The following SLC43A2 variants were observed in gnomAD, a reference collection of about 807,000 sequenced individuals.
SLC43A2 encodes large neutral amino acids transporter small subunit 4.
A neutral mutation model predicts 63.2 loss-of-function variants in SLC43A2; 38 were observed. The ratio of observed to expected loss-of-function variants is 0.60; its 90% CI spans 0.46 to 0.79. SLC43A2 has a LOEUF of 0.79. SLC43A2 is among the 30% of genes least tolerant of loss of function. The pLI, the probability that SLC43A2 is intolerant of heterozygous loss-of-function variation, is 0.00. For synonymous variants in SLC43A2, 322 were observed against 331.0 expected (o/e 0.97, Z 0.30); for missense variants, 644 against 756.2 (o/e 0.85, Z 1.74).
At chr17:1,624,377 C>T (rs1908461935) in intron 2 of SLC43A2, among the ~76,000 whole-genome samples, 2 of 150,506 alleles carry the variant, frequency 1.3e-5, no homozygotes, top group South Asian at 4.2e-4. Flanking sequence ...GTTTTGAGAC[C>T]AGCCTGAGCA....
intron 13 of SLC43A2, among the ~76,000 whole-genome samples, chr17:1,576,365 T>A (rs972684424): frequency 2.0e-5 from 3 of 152,142 alleles, no homozygotes; most frequent in African/African-American, 7.2e-5. Context: ...ATTACAGGTG[T>A]GAGCCACCGC....
chr17:1,615,646 A>G (rs56051325), intron 3 of SLC43A2, among the ~76,000 whole-genome samples: 33,391 of 149,712 alleles, frequency 0.22, 4,196 homozygotes, highest in South Asian at 0.31. Flanking sequence ...GATCGAGACC[A>G]TCCTGGCTAA....
chr17:1,600,154 T>TATATA (rs1567630909), intron 5 of SLC43A2, among the ~76,000 whole-genome samples: 4,166 of 26,794 alleles, frequency 0.16, 52 homozygotes, highest in Non-Finnish European at 0.23. Context: ...ATATATATAT[T>TATATA]TTTTTTTTTT....
At chr17:1,604,509 C>G (rs1906395598) in intron 5 of SLC43A2, 1 of 573,806 alleles carries the variant, frequency 1.7e-6, no homozygotes, top group Non-Finnish European at 3.1e-6. Flanking sequence ...CTTAGGCAAC[C>G]TGGGGGTCCC....
chr17:1,599,308 CCA>C (rs1340724330), intron 5 of SLC43A2, among the ~76,000 whole-genome samples: 1 of 151,902 alleles, frequency 6.6e-6, no homozygotes, highest in Non-Finnish European at 1.5e-5. Context: ...CCACTGCACT[CCA>C]GCCTGGCGAC....
intron 2 of SLC43A2, among the ~76,000 whole-genome samples, chr17:1,626,668 C>T (rs1222681038): frequency 2.0e-5 from 3 of 152,294 alleles, no homozygotes; most frequent in Admixed American, 2.0e-4. Context: ...TGGTCCAAAG[C>T]TTTCTCTTCC....
chr17:1,590,857 G>A lies in SLC43A2; in HGVS notation c.1023C>T (p.Tyr341=), dbSNP rs1239165695. The A allele has an allele frequency of 3.2e-6, 5 of 1,555,654 alleles. No individual in the cohort carries two copies. The highest frequency in any genetic ancestry group is 2.0e-5 in the Admixed American group (1 of 51,012). The change falls in exon 9 of 14, where the codon TAC becomes TAT. Residue 341 remains tyrosine, a synonymous_variant. Transcript: ENST00000301335. Reference sequence around the variant, plus strand: ...TGAGGATGTTGTTCATAGCCCCCATGTAGAAGATGAGCCGCAGCTGCGTGA... The same window carrying A: ...TGAGGATGTTGTTCATAGCCCCCATATAGAAGATGAGCCGCAGCTGCGTGA... ...MCVTQLRLIF[Y]MGAMNNILKF...
intron 11 of SLC43A2, among the ~76,000 whole-genome samples, chr17:1,582,085 G>GT (rs2076026510): frequency 7.3e-6 from 1 of 137,892 alleles, no homozygotes; most frequent in African/African-American, 2.7e-5. Flanking sequence ...GGTTTTTTTT[G>GT]GTTTTTTTTT....
At chr17:1,627,664 C>CCCCAAACCCCCCCA in intron 2 of SLC43A2, 51 bp downstream of exon 2, 1 of 985,964 alleles carries the variant, frequency 1.0e-6, no homozygotes, top group Non-Finnish European at 1.4e-6. Flanking sequence ...CCCGCCCCCT[C>CCCCAAACCCCCCCA]CCAAAGCCCC....
In SLC43A2 at chr17:1,578,882, C is replaced by T. The variant is rs1328760190; in HGVS notation, c.1351-559G>A. On this transcript the variant is annotated intron_variant, in intron 11 of 13. Coordinates refer to ENST00000301335, the MANE Select transcript of SLC43A2 (RefSeq NM_152346.3). This position sits in a 1 kb window ranked among gnomAD's most constrained non-coding sequence, Gnocchi z 6.5. ...TAGGCTGGGCAAGGTGGCTCACGCC[C>T]GTAATCCCAGTGCTTTGGGAGGCCG... Among the ~76,000 whole-genome samples, 3 of 152,016 alleles carry T rather than the reference C, an allele frequency of 2.0e-5. No individual in the cohort carries two copies. The highest frequency in any genetic ancestry group is 7.2e-5 in the African/African-American group (3 of 41,410).
intron 10 of SLC43A2, among the ~76,000 whole-genome samples, chr17:1,584,533 G>A (rs992130572): frequency 6.6e-6 from 1 of 152,172 alleles, no homozygotes; most frequent in South Asian, 2.1e-4. Flanking sequence ...ACAGCGTTTG[G>A]CTGGGCGTGG....
chr17:1,617,018 C>T (rs374061864), intron 2 of SLC43A2, among the ~76,000 whole-genome samples: 47 of 152,344 alleles, frequency 3.1e-4, no homozygotes, highest in African/African-American at 1.1e-3. Context: ...ATAAAGACCT[C>T]CCCAGAAAAT....
chr17:1,607,734 G>T lies in SLC43A2; in HGVS notation c.501+5461C>A, dbSNP rs563887411. 4.5e-3 allele frequency among the ~76,000 whole-genome samples: 669 copies of T among 147,752 alleles called. 7 individuals carry two copies. The highest frequency in any genetic ancestry group is 0.016 in the African/African-American group (634 of 40,090). ...CCAGACAATAGACTTTTTTTTTTTT[G>T]AGTCAGAGTCTCGCTCTGTCACCCA... On this transcript the variant is annotated intron_variant, in intron 5 of 13. Coordinates refer to ENST00000301335, the MANE Select transcript of SLC43A2 (RefSeq NM_152346.3).
intron 2 of SLC43A2, among the ~76,000 whole-genome samples, chr17:1,623,050 G>C (rs186657493): frequency 6.6e-6 from 1 of 152,202 alleles, no homozygotes; most frequent in Non-Finnish European, 1.5e-5. Flanking sequence ...AGGTTACAGT[G>C]AGCCGAGACT....
intron 10 of SLC43A2, among the ~76,000 whole-genome samples, chr17:1,584,762 G>A (rs1304102524): frequency 6.6e-6 from 1 of 151,636 alleles, no homozygotes; most frequent in Non-Finnish European, 1.5e-5. Context: ...GGAGGTTGCA[G>A]TGAGCCGAGA....
Position 1,585,995 on chromosome 17 carries a change from G to A in SLC43A2, c.1135C>T (p.Pro379Ser). Residue 379 changes from proline to serine, a missense_variant, in exon 10 of 14, where the codon CCC (proline) becomes TCC (serine). Pro to Ser is a moderately conservative substitution (Grantham distance 74). Around this residue, in one of 3 missense-constraint regions of SLC43A2, gnomAD observed 528 missense variants for 623.6 expected, o/e 0.85. Transcript: ENST00000301335. The part of the protein sequence containing the change: ...VLQLLCLLTA[P>S]VIGYIMDWRL... ...CAGTCCATGATGTAGCCAATGACGGGGGCCGTCAGCAGGCACAGCAGCTGG... is the reference window on the plus strand; with the variant it reads ...CAGTCCATGATGTAGCCAATGACGGAGGCCGTCAGCAGGCACAGCAGCTGG... The A allele has an allele frequency of 1.2e-6, 2 of 1,612,886 alleles. No individual in the cohort carries two copies. Among genetic ancestry groups the A allele is most frequent in the Non-Finnish European group, 1.7e-6 (2 of 1,179,736 alleles).
chr17:1,616,453 G>T, intron 3 of SLC43A2, 109 bp downstream of exon 3: 1 of 1,093,764 alleles, frequency 9.1e-7, no homozygotes, highest in Non-Finnish European at 1.3e-6. Flanking sequence ...CCTTCAGGGA[G>T]CTCCACAGTA....
At chr17:1,601,440 C>T (rs1330999877) in intron 5 of SLC43A2, among the ~76,000 whole-genome samples, 2 of 152,102 alleles carry the variant, frequency 1.3e-5, no homozygotes, top group African/African-American at 2.4e-5. Flanking sequence ...GAGAGGCACA[C>T]GGCCTGCTTC....
intron 13 of SLC43A2, 73 bp downstream of exon 13, chr17:1,576,524 G>A: frequency 6.6e-7 from 1 of 1,520,644 alleles, no homozygotes; most frequent in Non-Finnish European, 8.8e-7. Context: ...AAGCCCCCGA[G>A]GGGGACCTTG....
Sources: gnomAD v4.1 joint callset for allele counts (sites outside exome capture counted in the v4.1 genomes callset) on GRCh38, gnomAD v4.1.1 for gene constraint, gnomAD v4.1.1 regional missense constraint, Gnocchi (gnomAD v3.1) non-coding constraint, MANE v1.5 for transcripts, NCBI Gene and HGNC (gene_info 2026-07-23, HGNC 2026-07-21) for gene names.